Variants in ABCC9 observed in about 807,000 individuals in gnomAD.
ABCC9 encodes the protein ATP-binding cassette sub-family C member 9.
In ABCC9, 95 loss-of-function variants were observed where a neutral mutation model predicts 188.3. The ratio of observed to expected loss-of-function variants is 0.50; its 90% CI spans 0.43 to 0.60. The LOEUF (loss-of-function observed/expected upper bound fraction) is 0.60, where lower values mean the gene tolerates loss of function less well. Among genes scored for constraint, ABCC9 ranks in the 20% least tolerant of loss-of-function variants. The pLI is 0.00. For synonymous variants in ABCC9, 659 were observed against 652.7 expected, an observed-to-expected ratio of 1.01 and a Z score of -0.15; for missense variants, 1,102 against 1,876.3, an observed-to-expected ratio of 0.59 and a Z score of 7.62.
At chr12:21,929,573 T>C (rs1421054947) in intron 4 of ABCC9, among the ~76,000 whole-genome samples, 1 of 152,030 alleles carries the variant, frequency 6.6e-6, no homozygotes, top group East Asian at 1.9e-4. Context: ...AAAGGTTTTA[T>C]TTAAAAAAAG....
intron 2 of ABCC9, among the ~76,000 whole-genome samples, chr12:21,938,768 A>G (rs907530538): frequency 6.6e-6 from 1 of 152,216 alleles, no homozygotes; most frequent in Non-Finnish European, 1.5e-5. Flanking sequence ...TTCATTAGCT[A>G]TAAGCATTGC....
At chr12:21,856,040 T>C (rs888045635) in intron 22 of ABCC9, among the ~76,000 whole-genome samples, 12 of 152,188 alleles carry the variant, frequency 7.9e-5, no homozygotes, top group Non-Finnish European at 1.3e-4. Flanking sequence ...AACAATAATG[T>C]CAAACCTAGG....
intron 5 of ABCC9, among the ~76,000 whole-genome samples, chr12:21,921,841 G>GT (rs368313863): frequency 1.1e-4 from 17 of 152,000 alleles, no homozygotes; most frequent in African/African-American, 3.9e-4. Context: ...CCTTTCCTCA[G>GT]TGTATGTTCT....
At position 21,852,165 on chromosome 12, in the gene ABCC9, T is replaced by C. The variant is rs372063844; in HGVS notation, c.2701A>G (p.Thr901Ala). The change falls in exon 24 of 40, where the codon ACC becomes GCC. Residue 901 changes from threonine (T) to alanine (A), a missense_variant. Thr to Ala is a moderately conservative substitution (Grantham distance 58). Around this residue, in one of 12 missense-constraint regions of ABCC9, gnomAD observed 131 missense variants for 170.2 expected, o/e 0.77. Transcript: ENST00000261200. The part of the protein sequence containing the change: ...LREGTLKDIQ[T>A]KDVELYEHWK... The stretch of plus-strand genomic sequence containing the variant: ...TGTTCATAAAGCTCAACATCTTTGG[T>C]TTGAATGTCCTTCAAAGTTCCTTCT... 6.2e-6 allele frequency: 10 copies of C among 1,613,698 alleles called. No individual in the cohort carries two copies. The highest frequency in any genetic ancestry group is 7.6e-6 in the Non-Finnish European group (9 of 1,179,932).
intron 16 of ABCC9, among the ~76,000 whole-genome samples, chr12:21,876,007 G>A (rs551563451): frequency 2.9e-4 from 44 of 152,180 alleles, no homozygotes; most frequent in African/African-American, 9.4e-4. Context: ...AGCCGAGATC[G>A]CGCCACTGCA....
chr12:21,842,326 C>G lies in ABCC9; in HGVS notation c.3461G>C (p.Arg1154Pro), dbSNP rs387907209. Residue 1154 changes from arginine (R) to proline (P), a missense_variant, in exon 29 of 40, where the codon CGG becomes CCG. Coordinates refer to ENST00000261200, the MANE Select transcript of ABCC9 (RefSeq NM_020297.4). ...VAFYFIQKYF[R>P]VASKDLQELD... Reference sequence around the variant, plus strand: ...CTGTTTTACTTACTTAGAGGCAACCCGAAAGTATTTCTGGATAAAATAAAA... The same window carrying G: ...CTGTTTTACTTACTTAGAGGCAACCGGAAAGTATTTCTGGATAAAATAAAA... 1.2e-6 allele frequency: 2 copies of G among 1,613,620 alleles called. No homozygotes were observed. Among genetic ancestry groups the G allele is most frequent in the Non-Finnish European group, 1.7e-6 (2 of 1,179,820 alleles).
At chr12:21,841,610 G>GA (rs1415564245) in intron 29 of ABCC9, among the ~76,000 whole-genome samples, 2 of 151,924 alleles carry the variant, frequency 1.3e-5, no homozygotes, top group Non-Finnish European at 2.9e-5. Flanking sequence ...GCCCGCCTCA[G>GA]ACCCCCAAAG....
intron 18 of ABCC9, among the ~76,000 whole-genome samples, chr12:21,870,559 T>G (rs1671459170): frequency 6.6e-6 from 1 of 152,136 alleles, no homozygotes; most frequent in Admixed American, 6.6e-5. Flanking sequence ...CTGGGCAGAT[T>G]TCTTTCACAG....
At chr12:21,866,714 G>T (rs1276677336) in intron 18 of ABCC9, among the ~76,000 whole-genome samples, 5 of 152,216 alleles carry the variant, frequency 3.3e-5, no homozygotes, top group African/African-American at 1.2e-4. Context: ...GTCGATGGGT[G>T]AAGAGTTTCA....
intron 16 of ABCC9, among the ~76,000 whole-genome samples, chr12:21,876,972 C>T (rs1946385403): frequency 6.6e-6 from 1 of 152,156 alleles, no homozygotes; most frequent in Admixed American, 6.5e-5. Context: ...ATATATATGG[C>T]ACAACATTTA....
intron 12 of ABCC9, among the ~76,000 whole-genome samples, chr12:21,905,334 A>T (rs1947987622): frequency 6.6e-6 from 1 of 151,836 alleles, no homozygotes. Flanking sequence ...TAATGGGTGC[A>T]GCACACCAAC....
At chr12:21,838,393 G>GTA (rs1417292816) in intron 29 of ABCC9, among the ~76,000 whole-genome samples, 1 of 152,166 alleles carries the variant, frequency 6.6e-6, no homozygotes, top group African/African-American at 2.4e-5. Context: ...ATAATGTGTT[G>GTA]TACAAAACTA....
rs1945592320 is a variant in ABCC9, at chr12:21,862,914, T to C, written c.2339+39A>G. ...TCCCAAACACACGAGTCAGAAAGAGTTGCCATTTTGGTTCTAAATTTTATA... is the reference window on the plus strand; with the variant it reads ...TCCCAAACACACGAGTCAGAAAGAGCTGCCATTTTGGTTCTAAATTTTATA... On this transcript the variant is annotated intron_variant, in intron 20 of 39. Transcript: ENST00000261200. The C allele has an allele frequency of 2.3e-6, 3 of 1,290,832 alleles. No individual in the cohort carries two copies. The Admixed American group carries it at 5.1e-5, about 22-fold the overall frequency. 80.0% of individuals were successfully genotyped at this position (1,290,832 alleles called of 1,614,324 possible).
In ABCC9 at chr12:21,887,893, C is replaced by A. The variant is rs1414048554; in HGVS notation, c.1844G>T (p.Gly615Val). The change falls in exon 15 of 40, where the codon GGT (glycine) becomes GTT (valine). Residue 615 changes from glycine (G) to valine (V), a missense_variant. Physicochemically the swap from Gly to Val is moderately radical, Grantham distance 109. Around this residue, in one of 12 missense-constraint regions of ABCC9, gnomAD observed 258 missense variants for 325.6 expected, o/e 0.79. Transcript: ENST00000261200. Reference sequence around the variant, plus strand: ...TTCACCAGTTCGCCAACTGTCGTCACCAATCTCATCACTCAAGAGAAACTC... The same window carrying A: ...TTCACCAGTTCGCCAACTGTCGTCAACAATCTCATCACTCAAGAGAAACTC... ...LNEFLLSDEI[G>V]DDSWRTGESS... 6.2e-7 allele frequency: 1 copy of A among 1,613,484 alleles called. No homozygotes were observed. Among genetic ancestry groups the A allele is most frequent in the South Asian group, 1.1e-5 (1 of 91,072 alleles).
At chr12:21,877,819 A>C (rs1488126142) in intron 16 of ABCC9, among the ~76,000 whole-genome samples, 4 of 152,056 alleles carry the variant, frequency 2.6e-5, no homozygotes, top group Non-Finnish European at 4.4e-5. Context: ...CTATTGGGGG[A>C]GGGGAGTCAG....
chr12:21,807,743 G>T (rs1408922310), intron 37 of ABCC9, among the ~76,000 whole-genome samples: 1 of 152,106 alleles, frequency 6.6e-6, no homozygotes, highest in African/African-American at 2.4e-5. Context: ...AAAGATCTTG[G>T]AAATTATTTA....
intron 15 of ABCC9, among the ~76,000 whole-genome samples, chr12:21,887,283 C>A (rs1230984397): frequency 1.3e-5 from 2 of 152,092 alleles, no homozygotes; most frequent in Non-Finnish European, 2.9e-5. Context: ...CTACAACTTA[C>A]AAGATTCAAG....
chr12:21,826,266 A>T (rs187046713), intron 31 of ABCC9, among the ~76,000 whole-genome samples: 1,788 of 143,086 alleles, frequency 0.012, 13 homozygotes, highest in Middle Eastern at 0.049. Context: ...TCATTACTTT[A>T]AAAAAAAAAA....
At chr12:21,854,349 T>C (rs1372250523) in intron 22 of ABCC9, among the ~76,000 whole-genome samples, 1 of 152,196 alleles carries the variant, frequency 6.6e-6, no homozygotes, top group East Asian at 1.9e-4. Flanking sequence ...AGGAGAATCC[T>C]TATGCAAAAG....
Sources: gnomAD v4.1 joint callset for allele counts (sites outside exome capture counted in the v4.1 genomes callset) on GRCh38, gnomAD v4.1.1 for gene constraint, gnomAD v4.1.1 regional missense constraint, MANE v1.5 for transcripts, NCBI Gene and HGNC (gene_info 2026-07-23, HGNC 2026-07-21) for gene names.